The following MKX variants were observed in gnomAD, a reference collection of about 807,000 sequenced individuals.
The protein encoded by MKX is homeobox protein Mohawk.
MKX carries 13 observed loss-of-function variants against 36.0 expected under a neutral mutation model. The observed-to-expected ratio is 0.36, with a 90% CI of 0.24 to 0.57. The LOEUF is 0.57. MKX is among the 20% of genes least tolerant of loss of function. The pLI is 0.79. For missense variants in MKX, 458 were observed against 456.4 expected, an observed-to-expected ratio of 1.00 and a Z score of -0.03; for synonymous variants, 176 against 178.3, an observed-to-expected ratio of 0.99 and a Z score of 0.10.
chr10:27,725,550 C>T (rs1297299828), intron 5 of MKX, among the ~76,000 whole-genome samples: 1 of 151,748 alleles, frequency 6.6e-6, no homozygotes, highest in East Asian at 1.9e-4. Context: ...TGGAAGAAAG[C>T]ACATATTTAC....
rs1815301560 is a variant in MKX at position 27,734,732 on chromosome 10, G to A, written c.562C>T (p.His188Tyr). 1.2e-6 allele frequency: 2 copies of A among 1,614,084 alleles called. No homozygotes were observed. The highest frequency in any genetic ancestry group is 1.7e-6 in the Non-Finnish European group (2 of 1,180,012). The change falls in exon 5 of 7, where the codon CAT (histidine) becomes TAT (tyrosine). Residue 188 changes from histidine to tyrosine, a missense_variant. His to Tyr is a moderately conservative substitution (Grantham distance 83, BLOSUM62 2). Transcript: ENST00000419761. ...NEGGYNTPVHHPVIKSENSVI... is the reference protein window; with the variant it reads ...NEGGYNTPVHYPVIKSENSVI... ...GAATTCTCACTTTTAATCACAGGAT[G>A]GTGAACTGGGGTATTATAGCCCCCT... is the stretch of plus-strand genomic sequence containing the variant.
At chr10:27,734,326 A>T in intron 5 of MKX, 130 bp downstream of exon 5, 1 of 823,872 alleles carries the variant, frequency 1.2e-6, no homozygotes, top group Non-Finnish European at 1.8e-6. Flanking sequence ...CGAAAGCTTT[A>T]AAACTGAATT....
chr10:27,690,295 C>G (rs377325779), intron 5 of MKX, among the ~76,000 whole-genome samples: 14 of 151,752 alleles, frequency 9.2e-5, no homozygotes, highest in Admixed American at 3.3e-4. Flanking sequence ...CATTTGAGCC[C>G]GGAGGCGGAG....
chr10:27,708,847 A>T (rs1291814408), intron 5 of MKX, among the ~76,000 whole-genome samples: 1 of 152,172 alleles, frequency 6.6e-6, no homozygotes, highest in Non-Finnish European at 1.5e-5. Context: ...TGAATCGAAA[A>T]ATATTTGGAA....
chr10:27,735,271 T>C lies in MKX; in HGVS notation c.452A>G (p.Gln151Arg). ...TACGCTAAGCCGTTCAGCATTGCCTTGAACATACTTGTTGTATAACTTTAT... is the reference window on the plus strand; with the variant it reads ...TACGCTAAGCCGTTCAGCATTGCCTCGAACATACTTGTTGTATAACTTTAT... Reference protein sequence around the residue: ...LRIKLYNKYVQGNAERLSVSS... With the variant: ...LRIKLYNKYVRGNAERLSVSS... Residue 151 changes from glutamine (Q) to arginine (R), a missense_variant, in exon 4 of 7, where the codon CAA becomes CGA. Transcript: ENST00000419761. The C allele has an allele frequency of 1.2e-6, 2 of 1,613,618 alleles. No individual in the cohort carries two copies. The highest frequency in any genetic ancestry group is 1.1e-5 in the South Asian group (1 of 90,978).
chr10:27,695,122 C>T (rs1836530793), intron 5 of MKX, among the ~76,000 whole-genome samples: 1 of 152,102 alleles, frequency 6.6e-6, no homozygotes, highest in African/African-American at 2.4e-5. Flanking sequence ...CTCCTGACAT[C>T]CTCTATTATT....
At chr10:27,729,622 T>A (rs546569602) in intron 5 of MKX, among the ~76,000 whole-genome samples, 1 of 152,258 alleles carries the variant, frequency 6.6e-6, no homozygotes, top group East Asian at 1.9e-4. Context: ...TAGGCCTTTA[T>A]AAACTGATCA....
chr10:27,681,409 A>G (rs539608945), intron 5 of MKX, among the ~76,000 whole-genome samples: 1 of 152,278 alleles, frequency 6.6e-6, no homozygotes, highest in South Asian at 2.1e-4. Flanking sequence ...AGATCTCGCC[A>G]TTGCACTCCA....
rs535426962 is a variant in MKX, at chr10:27,742,682, C to A, written c.188+546G>T. ...CGGCCCCGCAGGCCCGGGGCCTCCC[C>A]CTCCGGGTTCGCCGCGGGCCCAGCC... On this transcript the variant is annotated intron_variant, in intron 2 of 6. Transcript: ENST00000419761. The surrounding 1 kb of genome is among the most constrained non-coding windows in gnomAD (Gnocchi z 4.2). 2.0e-5 allele frequency among the ~76,000 whole-genome samples: 3 copies of A among 152,006 alleles called. No individual in the cohort carries two copies. Among genetic ancestry groups the A allele is most frequent in the African/African-American group, 7.2e-5 (3 of 41,426 alleles).
chr10:27,730,003 G>A (rs1470718880), intron 5 of MKX, among the ~76,000 whole-genome samples: 2 of 151,900 alleles, frequency 1.3e-5, no homozygotes, highest in Admixed American at 6.6e-5. Flanking sequence ...ACATCAGTTT[G>A]TAAGGAAATT....
chr10:27,716,773 G>C (rs1230674112), intron 5 of MKX, among the ~76,000 whole-genome samples: 2 of 152,156 alleles, frequency 1.3e-5, no homozygotes, highest in Non-Finnish European at 2.9e-5. Context: ...AAATCCCGCT[G>C]CCACATGATC....
At chr10:27,713,468 T>G (rs748266398) in intron 5 of MKX, among the ~76,000 whole-genome samples, 118 of 152,250 alleles carry the variant, frequency 7.8e-4, no homozygotes, top group Non-Finnish European at 7.6e-4. Context: ...TTATTTTGAG[T>G]TGACTTAACC....
chr10:27,679,657 C>A (rs940334685), intron 5 of MKX, among the ~76,000 whole-genome samples: 3 of 152,134 alleles, frequency 2.0e-5, no homozygotes, highest in Non-Finnish European at 4.4e-5. Flanking sequence ...CTCTAAAGAT[C>A]TGGGAGTCTG....
intron 3 of MKX, among the ~76,000 whole-genome samples, chr10:27,740,691 C>T (rs1016197309): frequency 6.6e-6 from 1 of 152,212 alleles, no homozygotes; most frequent in Non-Finnish European, 1.5e-5. Context: ...TCTGCCTCCT[C>T]TCCTTAAGCC....
chr10:27,741,937 T>C lies in MKX; in HGVS notation c.189-433A>G, dbSNP rs925364092. Reference sequence around the variant, plus strand: ...AAACTTCCCTCGGGGATCTCTTGTCTGCTCCCAGAGGCTTTCCGTCGCTTG... The same window carrying C: ...AAACTTCCCTCGGGGATCTCTTGTCCGCTCCCAGAGGCTTTCCGTCGCTTG... On this transcript the variant is annotated intron_variant, in intron 2 of 6. Transcript: ENST00000419761. This position sits in a 1 kb window ranked among gnomAD's most constrained non-coding sequence, Gnocchi z 5.1. Among the ~76,000 whole-genome samples the C allele has an allele frequency of 6.6e-6, 1 of 152,176 alleles. No individual in the cohort carries two copies. Among genetic ancestry groups the C allele is most frequent in the African/African-American group, 2.4e-5 (1 of 41,456 alleles).
intron 5 of MKX, among the ~76,000 whole-genome samples, chr10:27,706,735 ATTTTAATTGAGGTGTTTCT>A (rs1036824863): frequency 2.6e-5 from 4 of 152,152 alleles, no homozygotes; most frequent in African/African-American, 9.7e-5. Context: ...CCCTTTGCTC[ATTTTAATTGAGGTGTTTCT>A]TTTTTTGTTG....
chr10:27,740,546 C>T (rs2132652665), intron 3 of MKX, among the ~76,000 whole-genome samples: 1 of 152,306 alleles, frequency 6.6e-6, no homozygotes, highest in South Asian at 2.1e-4. Flanking sequence ...TAACTGCCTA[C>T]AACATCGTGG....
In MKX at chr10:27,694,341, G is replaced by A. The variant is rs143324964; in HGVS notation, c.839-18787C>T. Among the ~76,000 whole-genome samples the A allele has an allele frequency of 4.7e-3, 716 of 151,722 alleles. 6 individuals are homozygous for A. Among genetic ancestry groups the A allele is most frequent in the African/African-American group, 0.017 (689 of 41,370 alleles). ...CAGATCCATTTATCTATACTTTTTG[G>A]GTTTGGTTTTGGAATATACTACACA... On this transcript the variant is annotated intron_variant, in intron 5 of 6. Transcript: ENST00000419761.
rs574247175 is a variant in MKX at position 27,679,344 on chromosome 10, A to G, written c.839-3790T>C. Among the ~76,000 whole-genome samples the G allele has an allele frequency of 2.0e-5, 3 of 152,036 alleles. No homozygotes were observed. The East Asian group carries it at 5.8e-4, about 29-fold the overall frequency. ...GTGAAAACTGCATACAACAAAGCTC[A>G]ATCTCAAAGACTGAAATCAACAAGG... On this transcript the variant is annotated intron_variant, in intron 5 of 6. Transcript: ENST00000419761.
Sources: allele counts gnomAD v4.1 joint callset (sites outside exome capture counted in the v4.1 genomes callset), GRCh38; gene constraint gnomAD v4.1.1; non-coding constraint Gnocchi (gnomAD v3.1); transcripts MANE v1.5; gene names NCBI Gene and HGNC (gene_info 2026-07-23, HGNC 2026-07-21).